The following THSD4 variants were observed in gnomAD, a reference collection of about 807,000 sequenced individuals.
THSD4 encodes the protein thrombospondin type 1 domain containing 4.
In THSD4, 69 loss-of-function variants were observed where a neutral mutation model predicts 119.0. The ratio of observed to expected loss-of-function variants is 0.58; its 90% CI spans 0.48 to 0.71. THSD4 has a LOEUF of 0.71. Ranked by LOEUF, THSD4 falls within the 30% of genes least tolerant of loss-of-function variation. THSD4 has a pLI of 0.00. For synonymous variants in THSD4, 524 were observed against 540.4 expected, an observed-to-expected ratio of 0.97 and a Z score of 0.42; for missense variants, 1,393 against 1,391.1, an observed-to-expected ratio of 1.00 and a Z score of -0.02.
intron 7 of THSD4, among the ~76,000 whole-genome samples, chr15:71,584,863 A>G (rs778328589): frequency 1.1e-4 from 16 of 152,066 alleles, no homozygotes; most frequent in Non-Finnish European, 1.8e-4. Context: ...TTGTGTGTCT[A>G]CTAGTTTTTA....
rs115440390 is a variant in THSD4 at position 71,393,505 on chromosome 15, G to A, written c.1016-18182G>A. ...GCCCTTGTAGAATCTCAGGGAAAAG[G>A]CTGGAGTCTGGTTGGTGGAATCAGC... On this transcript the variant is annotated intron_variant, in intron 6 of 17. Coordinates refer to ENST00000261862, the MANE Select transcript of THSD4 (RefSeq NM_024817.3). Among the ~76,000 whole-genome samples the A allele has an allele frequency of 3.2e-3, 480 of 152,170 alleles. 4 individuals carry two copies. The highest frequency in any genetic ancestry group is 0.011 in the African/African-American group (446 of 41,502).
intron 17 of THSD4, among the ~76,000 whole-genome samples, chr15:71,771,966 G>T (rs565183527): frequency 6.6e-6 from 1 of 152,186 alleles, no homozygotes; most frequent in South Asian, 2.1e-4. Flanking sequence ...CAGATAGGAA[G>T]TGTGAGGTGG....
intron 6 of THSD4, among the ~76,000 whole-genome samples, chr15:71,401,234 A>G (rs1418338662): frequency 6.6e-6 from 1 of 152,198 alleles, no homozygotes; most frequent in African/African-American, 2.4e-5. Context: ...CTTCCACTTA[A>G]GCAAAATTCC....
chr15:71,508,890 T>C (rs2048235196), intron 7 of THSD4, among the ~76,000 whole-genome samples: 1 of 151,850 alleles, frequency 6.6e-6, no homozygotes, highest in South Asian at 2.1e-4. Flanking sequence ...AGGTCAAACA[T>C]TTTAGAATTC....
chr15:71,579,897 C>T lies in THSD4; in HGVS notation c.1153-80633C>T, dbSNP rs146092312. ...AATTTAGTGGCTTAAAACACATAAA[C>T]GGTGGGGTTTTTTTTTTGAGGAGGG... On this transcript the variant is annotated intron_variant, in intron 7 of 17. Coordinates refer to ENST00000261862, the MANE Select transcript of THSD4 (RefSeq NM_024817.3). Among the ~76,000 whole-genome samples, 30 of 151,620 alleles carry T rather than the reference C, an allele frequency of 2.0e-4. No homozygotes were observed. The East Asian group carries it at 4.1e-3, about 21-fold the overall frequency.
chr15:71,772,405 C>T lies in THSD4; in HGVS notation c.2914+1197C>T, dbSNP rs150667021. On this transcript the variant is annotated intron_variant, in intron 17 of 17. Transcript: ENST00000261862. ...ATAAATTCCATAAGAAGAAAATTAA[C>T]AAGTTTATAAGATCTATATAGAAAA... Among the ~76,000 whole-genome samples, 12 of 152,046 alleles carry T rather than the reference C, an allele frequency of 7.9e-5. No homozygotes were observed. In the East Asian group the frequency reaches 1.2e-3, roughly 15 times the overall value.
chr15:71,296,436 C>T (rs1216160004), intron 6 of THSD4, among the ~76,000 whole-genome samples: 2 of 152,118 alleles, frequency 1.3e-5, no homozygotes, highest in Non-Finnish European at 2.9e-5. Context: ...CCACTAAGAC[C>T]GGATGACCTC....
At chr15:71,387,846 C>T (rs781512306) in intron 6 of THSD4, among the ~76,000 whole-genome samples, 3 of 152,158 alleles carry the variant, frequency 2.0e-5, no homozygotes, top group Admixed American at 6.5e-5. Context: ...CCCAGAACCC[C>T]TCTTCCAAAC....
chr15:71,608,249 TACAC>T (rs55892951), intron 7 of THSD4, among the ~76,000 whole-genome samples: 11,662 of 106,192 alleles, frequency 0.11, 767 homozygotes, highest in Middle Eastern at 0.2. Context: ...TATATATATA[TACAC>T]ACACACACAC....
intron 6 of THSD4, among the ~76,000 whole-genome samples, chr15:71,261,603 G>A (rs2044400764): frequency 6.6e-6 from 1 of 152,036 alleles, no homozygotes. Flanking sequence ...TGGGGTACTT[G>A]GGTTAGCTCA....
At chr15:71,325,693 C>T (rs1189587682) in intron 6 of THSD4, among the ~76,000 whole-genome samples, 2 of 151,986 alleles carry the variant, frequency 1.3e-5, no homozygotes, top group Non-Finnish European at 2.9e-5. Context: ...AATTTTTTTT[C>T]GAACCTCTTG....
Position 71,136,364 on chromosome 15 carries a change from G to A in THSD4, c.-79-5085G>A, listed in dbSNP as rs1036238637. On this transcript the variant is annotated intron_variant, in intron 1 of 17. Transcript: ENST00000261862. Reference sequence around the variant, plus strand: ...TCAAGGTTGCATAAGGAGAGTTTGCGTAAATGTCAGCAGGACAGGAGAGCA... The same window carrying A: ...TCAAGGTTGCATAAGGAGAGTTTGCATAAATGTCAGCAGGACAGGAGAGCA... Among the ~76,000 whole-genome samples the A allele has an allele frequency of 2.6e-5, 4 of 152,138 alleles. No individual in the cohort carries two copies. The South Asian group carries it at 6.2e-4, about 24-fold the overall frequency.
chr15:71,331,215 G>A (rs1307186117), intron 6 of THSD4, among the ~76,000 whole-genome samples: 1 of 152,192 alleles, frequency 6.6e-6, no homozygotes, highest in Admixed American at 6.5e-5. Context: ...TGGTGACAGA[G>A]GGGCGGCTGC....
At chr15:71,599,415 C>T (rs569739488) in intron 7 of THSD4, among the ~76,000 whole-genome samples, 58 of 152,224 alleles carry the variant, frequency 3.8e-4, no homozygotes, top group African/African-American at 1.3e-3. Context: ...CTCATGAGCC[C>T]CTGATATGCC....
At chr15:71,219,815 G>A (rs191208201) in intron 4 of THSD4, among the ~76,000 whole-genome samples, 2 of 152,302 alleles carry the variant, frequency 1.3e-5, no homozygotes, top group Non-Finnish European at 2.9e-5. Flanking sequence ...ATTACCACTT[G>A]AGAAGCAACA....
intron 7 of THSD4, among the ~76,000 whole-genome samples, chr15:71,435,693 C>A (rs1261057261): frequency 6.6e-6 from 1 of 152,132 alleles, no homozygotes; most frequent in Admixed American, 6.5e-5. Context: ...TTGCCACAGG[C>A]GGTTAAGGAT....
intron 6 of THSD4, among the ~76,000 whole-genome samples, chr15:71,306,338 A>AAAAAGG (rs1567189160): frequency 7.8e-6 from 1 of 127,928 alleles, no homozygotes; most frequent in African/African-American, 2.8e-5. Flanking sequence ...AAAAAAAAAA[A>AAAAAGG]GGGAATGGTA....
At chr15:71,203,760 C>A (rs1205119737) in intron 3 of THSD4, among the ~76,000 whole-genome samples, 1 of 152,188 alleles carries the variant, frequency 6.6e-6, no homozygotes, top group Admixed American at 6.5e-5. Context: ...CATTTGCAGC[C>A]TCTTTCACTC....
At chr15:71,381,554 T>A (rs773791043) in intron 6 of THSD4, among the ~76,000 whole-genome samples, 1 of 152,234 alleles carries the variant, frequency 6.6e-6, no homozygotes, top group Non-Finnish European at 1.5e-5. Context: ...CCTGTACTTG[T>A]CAGAGTCCTT....
Sources: gnomAD v4.1 joint callset for allele counts (sites outside exome capture counted in the v4.1 genomes callset) on GRCh38, gnomAD v4.1.1 for gene constraint, MANE v1.5 for transcripts, NCBI Gene and HGNC (gene_info 2026-07-23, HGNC 2026-07-21) for gene names.